SYNDIG1: variants seen among roughly 807,000 people sequenced by gnomAD.
SYNDIG1 encodes the protein synapse differentiation inducing 1, also known as synapse differentiation-inducing gene protein 1.
SYNDIG1 carries 9 observed loss-of-function variants against 19.4 expected under a neutral mutation model. The observed-to-expected ratio is 0.46, with a 90% CI of 0.28 to 0.81. The LOEUF (loss-of-function observed/expected upper bound fraction) is 0.81, where lower values mean the gene tolerates loss of function less well. Among genes scored for constraint, SYNDIG1 ranks in the 30% least tolerant of loss-of-function variants. The pLI, the probability that SYNDIG1 is intolerant of heterozygous loss-of-function variation, is 0.12. For missense variants in SYNDIG1, 311 were observed against 343.3 expected (o/e 0.91, Z 0.74); for synonymous variants, 141 against 145.9 (o/e 0.97, Z 0.24).
At chr20:24,629,663 G>A (rs557897265) in intron 3 of SYNDIG1, among the ~76,000 whole-genome samples, 10 of 152,256 alleles carry the variant, frequency 6.6e-5, no homozygotes, top group Admixed American at 1.3e-4. Flanking sequence ...GTAGGAACAC[G>A]GAGAATTGGG....
At chr20:24,569,328 T>G (rs1238407868) in intron 2 of SYNDIG1, among the ~76,000 whole-genome samples, 2 of 152,214 alleles carry the variant, frequency 1.3e-5, no homozygotes, top group African/African-American at 4.8e-5. Flanking sequence ...CATCCCTGTT[T>G]TACATGTGAT....
At chr20:24,541,121 A>G (rs895625347) in intron 1 of SYNDIG1, among the ~76,000 whole-genome samples, 2 of 152,206 alleles carry the variant, frequency 1.3e-5, no homozygotes, top group African/African-American at 4.8e-5. Flanking sequence ...CAATCACCCC[A>G]TTAATAGTTC....
At chr20:24,508,304 C>T (rs2056654020) in intron 1 of SYNDIG1, among the ~76,000 whole-genome samples, 1 of 136,162 alleles carries the variant, frequency 7.3e-6, no homozygotes, top group African/African-American at 2.7e-5. Flanking sequence ...TCTCGGCTCA[C>T]TGCAACCTCC....
intron 3 of SYNDIG1, among the ~76,000 whole-genome samples, chr20:24,644,150 T>A (rs1270466751): frequency 6.6e-6 from 1 of 152,222 alleles, no homozygotes; most frequent in Non-Finnish European, 1.5e-5. Context: ...ACACTTTGAT[T>A]TAGGTGCATG....
intron 3 of SYNDIG1, among the ~76,000 whole-genome samples, chr20:24,650,841 C>CT (rs913539140): frequency 6.4e-4 from 14 of 21,948 alleles, no homozygotes; most frequent in South Asian, 2.9e-3. Context: ...TTGTTTCTTT[C>CT]TTTTTTTTTT....
intron 1 of SYNDIG1, among the ~76,000 whole-genome samples, chr20:24,482,300 A>G (rs1431270781): frequency 6.6e-6 from 1 of 152,068 alleles, no homozygotes; most frequent in Non-Finnish European, 1.5e-5. Context: ...GTCTCCCCTG[A>G]CCTTGTGATG....
chr20:24,542,914 T>C, intron 1 of SYNDIG1, 106 bp from the exon 2 acceptor site: 3 of 812,104 alleles, frequency 3.7e-6, no homozygotes, highest in Middle Eastern at 3.7e-4. Flanking sequence ...ACAGTTACTA[T>C]GCGTTTATCA....
In SYNDIG1 at chr20:24,665,666, T is replaced by A; in HGVS notation, c.*162T>A. ...ATTTATTTTGTTTTTATCCTTTAAT[T>A]TCATGTTCACAGCACTGTGTAGAGC... is the stretch of plus-strand genomic sequence containing the variant. On this transcript the variant is annotated 3_prime_UTR_variant, in exon 4 of 4. Coordinates refer to ENST00000376862, the MANE Select transcript of SYNDIG1 (RefSeq NM_024893.3). 1 of 991,500 alleles carries A rather than the reference T, an allele frequency of 1.0e-6. No homozygotes were observed. Among genetic ancestry groups the A allele is most frequent in the Non-Finnish European group, 1.4e-6 (1 of 695,538 alleles). 61.4% of individuals were successfully genotyped at this position (991,500 alleles called of 1,614,324 possible).
At chr20:24,522,663 G>A (rs547283622) in intron 1 of SYNDIG1, among the ~76,000 whole-genome samples, 10 of 152,210 alleles carry the variant, frequency 6.6e-5, no homozygotes, top group East Asian at 1.9e-4. Context: ...GTATTAGTCC[G>A]TTTTGTGTTG....
chr20:24,526,692 A>ATT (rs2057131493), intron 1 of SYNDIG1, among the ~76,000 whole-genome samples: 1 of 152,030 alleles, frequency 6.6e-6, no homozygotes, highest in Non-Finnish European at 1.5e-5. Flanking sequence ...ACCCAGCATT[A>ATT]TTTTTCTTCT....
intron 2 of SYNDIG1, among the ~76,000 whole-genome samples, chr20:24,560,611 G>C (rs1223464850): frequency 1.4e-5 from 2 of 147,970 alleles, no homozygotes; most frequent in African/African-American, 5.0e-5. Context: ...GAACATATTT[G>C]TCACTGTTGC....
At chr20:24,557,803 G>C (rs182658141) in intron 2 of SYNDIG1, among the ~76,000 whole-genome samples, 3 of 152,298 alleles carry the variant, frequency 2.0e-5, no homozygotes, top group African/African-American at 7.2e-5. Context: ...CAGATCTCCA[G>C]CCGCATGCTG....
rs532687051 is a variant in SYNDIG1, at chr20:24,557,322, G to A, written c.480+13745G>A. ...TCTCGACTCGTCAAAGTCATTCTCC[G>A]TCCAGCTTTGTTCCGTTGCTGGTGA... On this transcript the variant is annotated intron_variant, in intron 2 of 3. Coordinates refer to ENST00000376862, the MANE Select transcript of SYNDIG1 (RefSeq NM_024893.3). Among the ~76,000 whole-genome samples, 243 of 152,276 alleles carry A rather than the reference G, an allele frequency of 1.6e-3. 1 individual carries two copies. The highest frequency in any genetic ancestry group is 2.7e-3 in the Non-Finnish European group (181 of 68,028).
chr20:24,479,377 C>A (rs2055731011), intron 1 of SYNDIG1, among the ~76,000 whole-genome samples: 1 of 152,168 alleles, frequency 6.6e-6, no homozygotes, highest in Non-Finnish European at 1.5e-5. Context: ...ACCAACTGAG[C>A]TTTCCTATGT....
At chr20:24,635,114 A>T (rs1568706814) in intron 3 of SYNDIG1, among the ~76,000 whole-genome samples, 1 of 152,172 alleles carries the variant, frequency 6.6e-6, no homozygotes, top group Admixed American at 6.5e-5. Flanking sequence ...GCCAGCGGGA[A>T]GCCTCCAAGA....
chr20:24,507,016 T>A (rs896491722), intron 1 of SYNDIG1, among the ~76,000 whole-genome samples: 3 of 152,162 alleles, frequency 2.0e-5, no homozygotes, highest in Non-Finnish European at 2.9e-5. Flanking sequence ...ATTTGGGTGA[T>A]TTGGGTGCAT....
intron 2 of SYNDIG1, among the ~76,000 whole-genome samples, chr20:24,553,373 G>A (rs1209454579): frequency 2.0e-5 from 3 of 152,188 alleles, no homozygotes; most frequent in Non-Finnish European, 4.4e-5. Flanking sequence ...TTTTAGACAT[G>A]AAGTCCTTGC....
rs1026462207 is a variant in SYNDIG1 at position 24,520,757 on chromosome 20, A to G, written c.-78-22263A>G. Among the ~76,000 whole-genome samples the G allele has an allele frequency of 3.9e-5, 6 of 152,136 alleles. No individual in the cohort carries two copies. The South Asian group carries it at 8.3e-4, about 21-fold the overall frequency. ...TACTTGTGTATACTTGCACCTAACA[A>G]TGTTGGCTTGTACACCAACATTGTT... On this transcript the variant is annotated intron_variant, in intron 1 of 3. Transcript: ENST00000376862.
chr20:24,623,928 T>G (rs1391193170), intron 3 of SYNDIG1, among the ~76,000 whole-genome samples: 1 of 152,160 alleles, frequency 6.6e-6, no homozygotes, highest in Non-Finnish European at 1.5e-5. Context: ...CAGTTATATA[T>G]GACATTTAAA....
Sources: allele counts gnomAD v4.1 joint callset (sites outside exome capture counted in the v4.1 genomes callset), GRCh38; gene constraint gnomAD v4.1.1; transcripts MANE v1.5; gene names NCBI Gene and HGNC (gene_info 2026-07-23, HGNC 2026-07-21).